Variants in DNMT3A observed in about 807,000 individuals in gnomAD.
DNMT3A encodes the protein DNA methyltransferase 3 alpha.
In DNMT3A, 267 loss-of-function variants were observed where a neutral mutation model predicts 117.6. That is an observed-to-expected ratio of 2.27 (90% CI 2.05 to 2.51). DNMT3A has a LOEUF of 2.51. Among genes scored for constraint, DNMT3A ranks in the 30% most tolerant of loss-of-function variants. DNMT3A has a pLI of 0.00. For missense variants in DNMT3A, 1,029 were observed against 1,260.2 expected, an observed-to-expected ratio of 0.82 and a Z score of 2.78; for synonymous variants, 432 against 474.8, an observed-to-expected ratio of 0.91 and a Z score of 1.17.
chr2:25,331,859 C>T (rs2035025971), intron 1 of DNMT3A, among the ~76,000 whole-genome samples: 1 of 144,242 alleles, frequency 6.9e-6, no homozygotes, highest in Non-Finnish European at 1.5e-5. Context: ...CCAGCTACAA[C>T]CCAGCTCCAT....
At chr2:25,253,755 T>C (rs1444520959) in intron 6 of DNMT3A, among the ~76,000 whole-genome samples, 3 of 152,148 alleles carry the variant, frequency 2.0e-5, no homozygotes, top group Non-Finnish European at 4.4e-5. Context: ...AGCAGAGGGC[T>C]ATTTGGGCAG....
rs369228178 is a variant in DNMT3A, at chr2:25,282,759, T to C, written c.178-48A>G. ...CAAGAGGAGGGTTAGATCAGTGGGC[T>C]TAGCCTGTTTTGGATCATTGACCGC... On this transcript the variant is annotated intron_variant, in intron 3 of 22. Transcript: ENST00000321117. This position sits in a 1 kb window ranked among gnomAD's most constrained non-coding sequence, Gnocchi z 5.2. The C allele has an allele frequency of 6.7e-7, 1 of 1,493,116 alleles. No individual in the cohort carries two copies. Among genetic ancestry groups the C allele is most frequent in the African/African-American group, 1.4e-5 (1 of 70,542 alleles). 92.5% of individuals were successfully genotyped at this position (1,493,116 alleles called of 1,614,324 possible). A position where few individuals can be genotyped will look rare whatever the true frequency, so the allele number is the denominator to read the frequency against.
intron 1 of DNMT3A, among the ~76,000 whole-genome samples, chr2:25,330,774 C>A (rs913399578): frequency 6.6e-6 from 1 of 152,240 alleles, no homozygotes; most frequent in Non-Finnish European, 1.5e-5. Context: ...CTCTCCCGGA[C>A]AGCTCTGCAC....
chr2:25,234,669 G>A lies in DNMT3A; in HGVS notation c.2598-249C>T, dbSNP rs1472099075. The stretch of plus-strand genomic sequence containing the variant: ...TGTGCTGGTTTCTGTGACCTTAAAG[G>A]TAGTAAGGTCATCACTGCCTAGAGT... On this transcript the variant is annotated intron_variant, in intron 22 of 22. Transcript: ENST00000321117. This position sits in a 1 kb window ranked among gnomAD's most constrained non-coding sequence, Gnocchi z 4.5. Among the ~76,000 whole-genome samples the A allele has an allele frequency of 6.6e-6, 1 of 152,146 alleles. No homozygotes were observed. Among genetic ancestry groups the A allele is most frequent in the East Asian group, 1.9e-4 (1 of 5,202 alleles).
chr2:25,245,974 C>T, intron 12 of DNMT3A, 46 bp downstream of exon 12: 1 of 1,613,080 alleles, frequency 6.2e-7, no homozygotes, highest in East Asian at 2.2e-5. Flanking sequence ...GCTACTCTGC[C>T]CCATGCCACA....
intron 22 of DNMT3A, among the ~76,000 whole-genome samples, chr2:25,235,237 C>A (rs1054990345): frequency 1.3e-5 from 2 of 151,274 alleles, no homozygotes; most frequent in African/African-American, 2.4e-5. Context: ...CAGGCTGGAG[C>A]ACAGTGGCGC....
chr2:25,244,524 G>A lies in DNMT3A; in HGVS notation c.1667+16C>T. On this transcript the variant is annotated intron_variant, in intron 14 of 22. Coordinates refer to ENST00000321117, the MANE Select transcript of DNMT3A (RefSeq NM_022552.5). Reference sequence around the variant, plus strand: ...GGCCCAGCTAAGGAGACCACTGGAGGCCACAACAGCCTCACCTGCAGCAGT... The same window carrying A: ...GGCCCAGCTAAGGAGACCACTGGAGACCACAACAGCCTCACCTGCAGCAGT... The A allele has an allele frequency of 1.9e-6, 3 of 1,613,264 alleles. No homozygotes were observed. The highest frequency in any genetic ancestry group is 1.7e-6 in the Non-Finnish European group (2 of 1,179,280).
Position 25,244,337 on chromosome 2 carries a change from A to C in DNMT3A, c.1669T>G (p.Cys557Gly), listed in dbSNP as rs760791871. Residue 557 changes from cysteine (C) to glycine (G), a missense_variant and splice_region_variant, in exon 15 of 23, where the codon TGC becomes GGC. Cys to Gly is a radical substitution (Grantham distance 159). Coordinates refer to ENST00000321117, the MANE Select transcript of DNMT3A (RefSeq NM_022552.5). ...LMCGNNNCCR[C>G]FCVECVDLLV... ...AGGTCCACACACTCCACGCAAAAGC[A>C]CCTGGAAGGAGACCCAGTGAGCAGA... 2 of 1,601,926 alleles carry C rather than the reference A, an allele frequency of 1.2e-6. No homozygotes were observed. Among genetic ancestry groups the C allele is most frequent in the African/African-American group, 1.3e-5 (1 of 74,710 alleles).
In DNMT3A at chr2:25,327,728, T is replaced by C. The variant is rs954732265; in HGVS notation, c.-177-13567A>G. On this transcript the variant is annotated intron_variant, in intron 1 of 22. Transcript: ENST00000321117. This position sits in a 1 kb window ranked among gnomAD's most constrained non-coding sequence, Gnocchi z 4.1. ...CCAGGGGCTCCAGCTCTATTTATTT[T>C]CATCCCAACTGGATGACTTGCAGTC... 1.3e-5 allele frequency among the ~76,000 whole-genome samples: 2 copies of C among 152,238 alleles called. No homozygotes were observed. The highest frequency in any genetic ancestry group is 2.9e-5 in the Non-Finnish European group (2 of 68,038).
At chr2:25,266,761 C>A (rs954165302) in intron 6 of DNMT3A, among the ~76,000 whole-genome samples, 5 of 152,224 alleles carry the variant, frequency 3.3e-5, no homozygotes, top group African/African-American at 1.2e-4. Context: ...ATACTATTTT[C>A]CCACCCATTT....
At chr2:25,318,736 C>T (rs1362537661) in intron 1 of DNMT3A, among the ~76,000 whole-genome samples, 5 of 129,480 alleles carry the variant, frequency 3.9e-5, no homozygotes, top group South Asian at 2.4e-4. Context: ...CTCGCTCTGT[C>T]GCCCAGGCTA....
At position 25,293,663 on chromosome 2, in the gene DNMT3A, T is replaced by C. The variant is rs1426319640; in HGVS notation, c.177+6476A>G. Among the ~76,000 whole-genome samples the C allele has an allele frequency of 1.3e-5, 2 of 151,572 alleles. No homozygotes were observed. Among genetic ancestry groups the C allele is most frequent in the East Asian group, 1.9e-4 (1 of 5,182 alleles). ...CACCATACCCAGCTACTATTTATTA[T>C]ATATATATATAAAAATTTATTTTTT... On this transcript the variant is annotated intron_variant, in intron 3 of 22. Transcript: ENST00000321117. The surrounding 1 kb of genome is among the most constrained non-coding windows in gnomAD (Gnocchi z 4.7).
At chr2:25,249,491 G>C (rs1176957645) in intron 6 of DNMT3A, 3 of 759,026 alleles carry the variant, frequency 4.0e-6, no homozygotes, top group South Asian at 3.4e-5. Context: ...ATTGTTACCA[G>C]ATTCGACCCC....
At position 25,271,296 on chromosome 2, in the gene DNMT3A, ATTGCACTCCAGCCT is replaced by A. The variant is rs985482633; in HGVS notation, c.639+3631_639+3644del. Among the ~76,000 whole-genome samples the A allele has an allele frequency of 8.5e-5, 13 of 152,224 alleles. No homozygotes were observed. In the East Asian group the frequency reaches 1.5e-3, roughly 18 times the overall value. ...CAGGAGGCGGAGGCTGCAGTGAGCC[ATTGCACTCCAGCCT>A]TTGCACTCCAGCCTTGACAACAAGA... On this transcript the variant is annotated intron_variant, in intron 6 of 22. Coordinates refer to ENST00000321117, the MANE Select transcript of DNMT3A (RefSeq NM_022552.5).
chr2:25,238,358 G>A (rs1047659372), intron 20 of DNMT3A, among the ~76,000 whole-genome samples: 3 of 152,088 alleles, frequency 2.0e-5, no homozygotes, highest in South Asian at 2.1e-4. Context: ...TTATTTGACC[G>A]AGGCCAGGTG....
chr2:25,308,965 G>GCACA (rs1242509595), intron 2 of DNMT3A, among the ~76,000 whole-genome samples: 7 of 90,266 alleles, frequency 7.8e-5, no homozygotes, highest in African/African-American at 2.8e-4. Context: ...GCCCACAGAT[G>GCACA]CATACACACA....
chr2:25,248,227 G>T lies in DNMT3A; in HGVS notation c.665C>A (p.Ala222Glu). ...GTTTTCTTCCACAGCATTCATTCCT[G>T]CAATGACCTTGGCTTTCTTCTCAGC... The part of the protein sequence containing the change: ...REAEKKAKVI[A>E]GMNAVEENQG... Residue 222 changes from alanine to glutamate, a missense_variant, in exon 7 of 23, where the codon GCA (alanine) becomes GAA (glutamate). Ala to Glu is a moderately radical substitution (Grantham distance 107). Coordinates refer to ENST00000321117, the MANE Select transcript of DNMT3A (RefSeq NM_022552.5). 6.2e-7 allele frequency: 1 copy of T among 1,612,466 alleles called. No individual in the cohort carries two copies. Among genetic ancestry groups the T allele is most frequent in the Non-Finnish European group, 8.5e-7 (1 of 1,179,600 alleles).
At position 25,236,425 on chromosome 2, in the gene DNMT3A, T is replaced by C. The variant is rs976316399; in HGVS notation, c.2478+511A>G. Among the ~76,000 whole-genome samples, 9 of 152,124 alleles carry C rather than the reference T, an allele frequency of 5.9e-5. No individual in the cohort carries two copies. The highest frequency in any genetic ancestry group is 1.2e-4 in the Non-Finnish European group (8 of 68,032). On this transcript the variant is annotated intron_variant, in intron 21 of 22. Coordinates refer to ENST00000321117, the MANE Select transcript of DNMT3A (RefSeq NM_022552.5). This position sits in a 1 kb window ranked among gnomAD's most constrained non-coding sequence, Gnocchi z 4.5. ...TGTACTTTCCAAGTCTTCCAAAGAA[T>C]TAGTTCTTTCAGAGATGGAGTAACT...
At chr2:25,295,217 C>T (rs2033017530) in intron 3 of DNMT3A, among the ~76,000 whole-genome samples, 1 of 152,186 alleles carries the variant, frequency 6.6e-6, no homozygotes, top group African/African-American at 2.4e-5. Context: ...GCCCCTTCCT[C>T]CCCACCTCAC....
Sources: allele counts gnomAD v4.1 joint callset (sites outside exome capture counted in the v4.1 genomes callset), GRCh38; gene constraint gnomAD v4.1.1; non-coding constraint Gnocchi (gnomAD v3.1); transcripts MANE v1.5; gene names NCBI Gene and HGNC (gene_info 2026-07-23, HGNC 2026-07-21).